Variants in DDHD2 observed in about 807,000 individuals in gnomAD.
The protein encoded by DDHD2 is triacylglycerol hydrolase DDHD2.
Under a neutral mutation model 91.2 loss-of-function variants are expected in DDHD2, and 62 were observed. The ratio of observed to expected loss-of-function variants is 0.68; its 90% confidence interval spans 0.55 to 0.84. The LOEUF is 0.84. Among genes scored for constraint, DDHD2 ranks in the 40% least tolerant of loss-of-function variants. The pLI is 0.00. For synonymous variants in DDHD2, 271 were observed against 293.9 expected, an observed-to-expected ratio of 0.92 and a Z score of 0.80; for missense variants, 740 against 846.9, an observed-to-expected ratio of 0.87 and a Z score of 1.57.
At chr8:38,267,785 G>T, downstream of DDHD2, 2 of 1,109,298 alleles carry the variant, frequency 1.8e-6, no homozygotes, top group Non-Finnish European at 2.7e-6. Context: ...AAATCAGAGT[G>T]AAGATAAAGG....
intron 7 of DDHD2, among the ~76,000 whole-genome samples, chr8:38,245,435 A>C (rs1016769038): frequency 6.6e-6 from 1 of 151,744 alleles, no homozygotes; most frequent in Non-Finnish European, 1.5e-5. Flanking sequence ...CTGTCTCAAA[A>C]AAAAAAAAAA....
At chr8:38,235,873 G>GCACA (rs36055483) in intron 3 of DDHD2, among the ~76,000 whole-genome samples, 57,084 of 147,500 alleles carry the variant, frequency 0.39, 11,152 homozygotes, top group South Asian at 0.46. Flanking sequence ...AAGTACACGC[G>GCACA]CACACACACA....
chr8:38,268,398 T>C lies in DDHD2; in HGVS notation n.88-2724T>C, dbSNP rs201646571. On this transcript the variant is annotated intron_variant and non_coding_transcript_variant, in intron 1 of 1. Coordinates refer to the DDHD2 transcript ENST00000526071. ...AGGCAGGCTTGTCTGCTGTCTCTTG[T>C]GTCTGCCTTCTTGAGAAATTTGGCC... 82 of 1,573,228 alleles carry C rather than the reference T, an allele frequency of 5.2e-5. No individual in the cohort carries two copies. The African/African-American group carries it at 7.3e-4, about 14-fold the overall frequency.
chr8:38,255,522 TA>T (rs1806447716), intron 16 of DDHD2, among the ~76,000 whole-genome samples: 6 of 152,190 alleles, frequency 3.9e-5, no homozygotes, highest in Admixed American at 3.9e-4. Context: ...ACAACTAATG[TA>T]AAATGTCTTC....
intron 7 of DDHD2, among the ~76,000 whole-genome samples, chr8:38,243,990 A>G (rs576986801): frequency 6.6e-6 from 1 of 150,954 alleles, no homozygotes; most frequent in Non-Finnish European, 1.5e-5. Context: ...TTTGGTAGAG[A>G]CAGGGTTTCT....
chr8:38,268,894 G>C (rs766722699), intron 1 of DDHD2: 1 of 1,551,210 alleles, frequency 6.4e-7, no homozygotes, highest in Non-Finnish European at 8.7e-7. Context: ...ACATCGGCTT[G>C]GTGGGGAAAT....
chr8:38,240,357 A>G lies in DDHD2; in HGVS notation c.705A>G (p.Val235=). 1 of 1,606,484 alleles carries G rather than the reference A, an allele frequency of 6.2e-7. No individual in the cohort carries two copies. Among genetic ancestry groups the G allele is most frequent in the Non-Finnish European group, 8.5e-7 (1 of 1,174,136 alleles). The part of the protein sequence containing the change: ...PACDLRFRSI[V]QCVNDFRSVS... ...GTGATCTCCGCTTTCGAAGCATTGT[A>G]CAGTGTGGTAGGTTTGCAAAGCATG... Residue 235 remains valine (V), a synonymous_variant, in exon 6 of 18, where the codon GTA becomes GTG. Coordinates refer to ENST00000397166, the MANE Select transcript of DDHD2 (RefSeq NM_015214.3).
downstream of DDHD2, chr8:38,267,018 C>T: frequency 1.4e-6 from 2 of 1,380,900 alleles, no homozygotes; most frequent in East Asian, 2.6e-5. Flanking sequence ...TACAAGATTG[C>T]AGGATCTAGG....
chr8:38,238,980 G>A (rs971273483), intron 5 of DDHD2: 7 of 152,300 alleles, frequency 4.6e-5, no homozygotes, highest in African/African-American at 1.7e-4. Context: ...TAAAGCAAAT[G>A]TAATTGTTAA....
rs766080613 is a variant in DDHD2, at chr8:38,242,379, T to C, written c.842T>C (p.Val281Ala). Residue 281 changes from valine to alanine, a missense_variant, in exon 7 of 18, where the codon GTG becomes GCG. Val to Ala is a moderately conservative substitution (Grantham distance 64, BLOSUM62 0). Transcript: ENST00000397166. ...NWHSPLHSTG[V>A]DVDLQRITLP... ...CACAGTCCTTTGCATTCTACTGGTG[T>C]GGATGTGTGAGTAATACTTAATACC... is the stretch of plus-strand genomic sequence containing the variant. 6.2e-7 allele frequency: 1 copy of C among 1,610,264 alleles called. No homozygotes were observed. The highest frequency in any genetic ancestry group is 1.3e-5 in the African/African-American group (1 of 74,782).
chr8:38,267,892 C>T, intron 1 of DDHD2: 1 of 1,613,972 alleles, frequency 6.2e-7, no homozygotes, highest in Non-Finnish European at 8.5e-7. Flanking sequence ...GCTGTTGTCA[C>T]TTACCTCCCT....
downstream of DDHD2, chr8:38,267,577 G>A: frequency 1.4e-6 from 1 of 703,080 alleles, no homozygotes; most frequent in Non-Finnish European, 2.3e-6. Context: ...TAAATTAGGG[G>A]AAAAACGCCC....
At chr8:38,255,324 A>G (rs753492927) in intron 16 of DDHD2, 1 of 510,570 alleles carries the variant, frequency 2.0e-6, no homozygotes, top group Non-Finnish European at 3.9e-6. Flanking sequence ...GGCCAAAAGC[A>G]ATCTTGTAAG....
chr8:38,238,345 G>T, intron 5 of DDHD2, 136 bp downstream of exon 5: 2 of 1,453,498 alleles, frequency 1.4e-6, no homozygotes, highest in Non-Finnish European at 1.8e-6. Context: ...TCCAAGTTGA[G>T]ATTAGCATCA....
chr8:38,248,859 C>T (rs187567103), intron 10 of DDHD2, among the ~76,000 whole-genome samples: 46 of 149,336 alleles, frequency 3.1e-4, no homozygotes, highest in African/African-American at 1.0e-3. Context: ...GCAGGAGAAT[C>T]GCTTGAACCC....
At chr8:38,255,194 C>CAAAAAAAAAAA (rs34259167) in intron 16 of DDHD2, 2 of 114,112 alleles carry the variant, frequency 1.8e-5, no homozygotes, top group African/African-American at 6.9e-5. Flanking sequence ...GACTCCATCT[C>CAAAAAAAAAAA]AAAAAAAAAA....
intron 16 of DDHD2, among the ~76,000 whole-genome samples, chr8:38,259,632 C>T (rs922443999): frequency 6.6e-6 from 1 of 152,128 alleles, no homozygotes; most frequent in Non-Finnish European, 1.5e-5. Context: ...GATCCACCCA[C>T]CTTGGCCTCC....
At chr8:38,267,209 A>C, downstream of DDHD2, 1 of 1,613,528 alleles carries the variant, frequency 6.2e-7, no homozygotes, top group Non-Finnish European at 8.5e-7. Context: ...CTAGCTTTCT[A>C]GGTTAAATTC....
intron 16 of DDHD2, among the ~76,000 whole-genome samples, chr8:38,255,875 AG>A (rs1319850570): frequency 6.6e-6 from 1 of 152,210 alleles, no homozygotes; most frequent in Non-Finnish European, 1.5e-5. Context: ...AATGGCATAA[AG>A]GGTATATACA....
Sources: allele counts gnomAD v4.1 joint callset (sites outside exome capture counted in the v4.1 genomes callset), GRCh38; gene constraint gnomAD v4.1.1; transcripts MANE v1.5; gene names NCBI Gene and HGNC (gene_info 2026-07-23, HGNC 2026-07-21).